CACNA2D3: variants seen among roughly 807,000 people sequenced by gnomAD.
CACNA2D3 encodes calcium voltage-gated channel auxiliary subunit alpha2delta 3, also known as voltage-dependent calcium channel subunit alpha-2/delta-3.
Under a neutral mutation model 160.6 loss-of-function variants are expected in CACNA2D3, and 60 were observed. That is an observed-to-expected ratio of 0.37 (90% CI 0.30 to 0.46). The LOEUF is 0.46. Ranked by LOEUF, CACNA2D3 falls within the 20% of genes least tolerant of loss-of-function variation. The pLI is 1.00. For missense variants in CACNA2D3, 1,205 were observed against 1,365.0 expected (o/e 0.88, Z 1.85); for synonymous variants, 558 against 492.9 (o/e 1.13, Z -1.75).
intron 2 of CACNA2D3, among the ~76,000 whole-genome samples, chr3:54,186,661 A>G (rs1197479098): frequency 6.6e-6 from 1 of 152,204 alleles, no homozygotes; most frequent in African/African-American, 2.4e-5. Flanking sequence ...TTAAGATAAT[A>G]GAACTGCATT....
intron 3 of CACNA2D3, among the ~76,000 whole-genome samples, chr3:54,327,935 AT>A (rs1704152904): frequency 6.6e-6 from 1 of 152,136 alleles, no homozygotes; most frequent in Non-Finnish European, 1.5e-5. Flanking sequence ...GATTTCTATT[AT>A]TTTTCATGAC....
At chr3:54,722,306 G>T (rs766615769) in intron 11 of CACNA2D3, among the ~76,000 whole-genome samples, 13 of 151,804 alleles carry the variant, frequency 8.6e-5, no homozygotes, top group South Asian at 4.2e-4. Flanking sequence ...TAAGCGATTC[G>T]TCTAACCTTT....
At chr3:54,746,030 T>C (rs1470028505) in intron 11 of CACNA2D3, among the ~76,000 whole-genome samples, 1 of 152,232 alleles carries the variant, frequency 6.6e-6, no homozygotes, top group Admixed American at 6.5e-5. Flanking sequence ...GCCTTTCTCT[T>C]CCTTCTGGAT....
chr3:55,038,381 G>C (rs1703876705), intron 35 of CACNA2D3, among the ~76,000 whole-genome samples: 1 of 152,102 alleles, frequency 6.6e-6, no homozygotes, highest in African/African-American at 2.4e-5. Flanking sequence ...AAAGCAGTTA[G>C]GGCCATGGAG....
At position 55,052,473 on chromosome 3, in the gene CACNA2D3, GTGT is replaced by G. The variant is rs1256239529; in HGVS notation, c.2988-20964_2988-20962del. ...CTGTGTGTGTATATATATATATATA[GTGT>G]TGTTGTTAAAGTTTTCTATAAATGT... is the stretch of plus-strand genomic sequence containing the variant. On this transcript the variant is annotated intron_variant, in intron 35 of 37. Coordinates refer to ENST00000474759, the MANE Select transcript of CACNA2D3 (RefSeq NM_018398.3). Among the ~76,000 whole-genome samples, 12 of 151,130 alleles carry G rather than the reference GTGT, an allele frequency of 7.9e-5. 1 individual carries two copies. The South Asian group carries it at 8.3e-4, about 10-fold the overall frequency.
At chr3:54,218,348 G>C (rs1435509470) in intron 2 of CACNA2D3, among the ~76,000 whole-genome samples, 1 of 152,182 alleles carries the variant, frequency 6.6e-6, no homozygotes. Context: ...GCTGCCCTGT[G>C]GGATGTGGGA....
At chr3:54,686,697 A>T (rs918522785) in intron 11 of CACNA2D3, among the ~76,000 whole-genome samples, 2 of 152,198 alleles carry the variant, frequency 1.3e-5, no homozygotes, top group Non-Finnish European at 2.9e-5. Context: ...ACATCTCATG[A>T]ATTAGTAATT....
At chr3:54,366,234 A>C (rs895593129) in intron 3 of CACNA2D3, among the ~76,000 whole-genome samples, 3 of 152,162 alleles carry the variant, frequency 2.0e-5, no homozygotes, top group Non-Finnish European at 4.4e-5. Context: ...GAGGAGTAGG[A>C]GCTTGCCAGG....
chr3:54,356,396 C>G (rs1308421172), intron 3 of CACNA2D3, among the ~76,000 whole-genome samples: 1 of 152,134 alleles, frequency 6.6e-6, no homozygotes, highest in Non-Finnish European at 1.5e-5. Flanking sequence ...AGTTCAGTGC[C>G]AAGAGGAGGC....
intron 12 of CACNA2D3, among the ~76,000 whole-genome samples, chr3:54,755,469 A>G (rs188373675): frequency 6.6e-6 from 1 of 152,316 alleles, no homozygotes; most frequent in African/African-American, 2.4e-5. Context: ...CCTCATCTAC[A>G]AAAGGAAGGG....
At chr3:55,027,236 T>C (rs1344900281) in intron 35 of CACNA2D3, among the ~76,000 whole-genome samples, 1 of 152,246 alleles carries the variant, frequency 6.6e-6, no homozygotes, top group African/African-American at 2.4e-5. Flanking sequence ...CGTTGAGTGC[T>C]TTTGAAGAGT....
intron 5 of CACNA2D3, among the ~76,000 whole-genome samples, chr3:54,507,798 A>C (rs1453736930): frequency 1.3e-5 from 2 of 152,146 alleles, no homozygotes; most frequent in Admixed American, 6.5e-5. Flanking sequence ...GGGTTGCCCT[A>C]CTCTCACATC....
At chr3:54,428,233 G>C (rs1699937488) in intron 4 of CACNA2D3, among the ~76,000 whole-genome samples, 1 of 152,166 alleles carries the variant, frequency 6.6e-6, no homozygotes, top group Admixed American at 6.5e-5. Flanking sequence ...ACAACAGTTA[G>C]ACTTTCTCAG....
chr3:54,162,521 G>A (rs1303403994), intron 2 of CACNA2D3, among the ~76,000 whole-genome samples: 1 of 152,152 alleles, frequency 6.6e-6, no homozygotes, highest in Non-Finnish European at 1.5e-5. Flanking sequence ...TAGAGAACAA[G>A]GAAGAAGAGC....
intron 13 of CACNA2D3, among the ~76,000 whole-genome samples, chr3:54,812,732 G>C (rs1292694405): frequency 6.6e-6 from 1 of 152,160 alleles, no homozygotes; most frequent in Non-Finnish European, 1.5e-5. Flanking sequence ...AAGTAGCACT[G>C]GTTGGAGCAG....
chr3:54,862,395 ACACACACACG>A (rs1320569404), intron 17 of CACNA2D3, among the ~76,000 whole-genome samples: 5 of 151,860 alleles, frequency 3.3e-5, no homozygotes, highest in Admixed American at 6.6e-5. Flanking sequence ...ACACACACAC[ACACACACACG>A]CACACACACG....
At chr3:54,649,008 A>T (rs1322217833) in intron 11 of CACNA2D3, among the ~76,000 whole-genome samples, 1 of 152,194 alleles carries the variant, frequency 6.6e-6, no homozygotes, top group African/African-American at 2.4e-5. Flanking sequence ...AAATTCCAAC[A>T]TGAGATTTGT....
intron 11 of CACNA2D3, among the ~76,000 whole-genome samples, chr3:54,663,440 C>G (rs767142646): frequency 4.6e-5 from 7 of 152,160 alleles, no homozygotes; most frequent in Non-Finnish European, 1.0e-4. Flanking sequence ...GATGACTTGG[C>G]CTTCCAGGCA....
intron 2 of CACNA2D3, among the ~76,000 whole-genome samples, chr3:54,306,937 C>A (rs945338787): frequency 6.6e-6 from 1 of 152,164 alleles, no homozygotes; most frequent in Non-Finnish European, 1.5e-5. Flanking sequence ...GGCTTCTCAT[C>A]ACAAACAGAA....
Sources: allele counts gnomAD v4.1 joint callset (sites outside exome capture counted in the v4.1 genomes callset), GRCh38; gene constraint gnomAD v4.1.1; transcripts MANE v1.5; gene names NCBI Gene and HGNC (gene_info 2026-07-23, HGNC 2026-07-21).